Variants in NDST3 observed in about 807,000 individuals in gnomAD.
NDST3 encodes bifunctional heparan sulfate N-deacetylase/N-sulfotransferase 3.
NDST3 carries 58 observed loss-of-function variants against 96.1 expected under a neutral mutation model. The observed-to-expected ratio is 0.60, with a 90% CI of 0.49 to 0.75. The LOEUF (loss-of-function observed/expected upper bound fraction) is 0.75, where lower values mean the gene tolerates loss of function less well. Ranked by LOEUF, NDST3 falls within the 30% of genes least tolerant of loss-of-function variation. The pLI is 0.00. For missense variants in NDST3, 788 were observed against 1,034.2 expected (o/e 0.76, Z 3.27); for synonymous variants, 333 against 359.7 (o/e 0.93, Z 0.84).
chr4:118,195,899 G>A (rs1737652524), intron 6 of NDST3, among the ~76,000 whole-genome samples: 2 of 152,178 alleles, frequency 1.3e-5, no homozygotes. Flanking sequence ...TAACAGTGGT[G>A]AAAGTGGGCA....
chr4:118,072,599 A>T (rs1727175101), intron 2 of NDST3, among the ~76,000 whole-genome samples: 2 of 152,106 alleles, frequency 1.3e-5, no homozygotes, highest in Non-Finnish European at 2.9e-5. Context: ...ACTTTGCTGA[A>T]GTTGTTCATT....
chr4:118,186,707 A>C (rs1390680706), intron 6 of NDST3, among the ~76,000 whole-genome samples: 1 of 152,166 alleles, frequency 6.6e-6, no homozygotes, highest in East Asian at 1.9e-4. Flanking sequence ...AATACTTTGC[A>C]TCCTTCAATC....
At chr4:118,097,279 G>A (rs1231923023) in intron 2 of NDST3, among the ~76,000 whole-genome samples, 1 of 151,888 alleles carries the variant, frequency 6.6e-6, no homozygotes, top group African/African-American at 2.4e-5. Context: ...ATGTTGTCTA[G>A]AGTATTTCTT....
At chr4:118,160,354 A>G (rs574441488) in intron 6 of NDST3, among the ~76,000 whole-genome samples, 3 of 152,284 alleles carry the variant, frequency 2.0e-5, no homozygotes, top group African/African-American at 7.2e-5. Context: ...CACAACAACA[A>G]AACTGTCAAC....
At chr4:118,080,786 T>C (rs976863194) in intron 2 of NDST3, among the ~76,000 whole-genome samples, 2 of 152,164 alleles carry the variant, frequency 1.3e-5, no homozygotes, top group Non-Finnish European at 2.9e-5. Context: ...ATCTGTGTTT[T>C]CCATGGCACC....
intron 6 of NDST3, among the ~76,000 whole-genome samples, chr4:118,162,280 C>T (rs1312272141): frequency 6.6e-6 from 1 of 152,120 alleles, no homozygotes; most frequent in Non-Finnish European, 1.5e-5. Context: ...CAAAAAAGAG[C>T]CCTCATTGCC....
In NDST3 at chr4:118,255,456, CTAAA is replaced by C. The variant is rs1742055517; in HGVS notation, c.2503-130_2503-127del. On this transcript the variant is annotated intron_variant, in intron 13 of 13. Transcript: ENST00000296499. ...TGTCAGTAAAATATCATAGCATGTG[CTAAA>C]TAAATAGTCCATATGCTTAATACAA... The C allele has an allele frequency of 2.1e-5, 19 of 895,482 alleles. No individual in the cohort carries two copies. The East Asian group carries it at 2.7e-4, about 13-fold the overall frequency. 55.5% of individuals were successfully genotyped at this position (895,482 alleles called of 1,614,324 possible). A position where few individuals can be genotyped will look rare whatever the true frequency, so the allele number is the denominator to read the frequency against.
chr4:118,051,040 A>G (rs908725904), intron 1 of NDST3, among the ~76,000 whole-genome samples: 1 of 152,156 alleles, frequency 6.6e-6, no homozygotes, highest in Non-Finnish European at 1.5e-5. Flanking sequence ...CCAATGGAAC[A>G]CAATAGAAAA....
At chr4:118,053,674 C>A in intron 1 of NDST3, 82 bp from the exon 2 acceptor site, 1 of 412,748 alleles carries the variant, frequency 2.4e-6, no homozygotes, top group South Asian at 3.8e-5. Flanking sequence ...AGTACTCTGC[C>A]ACTTATGCTA....
At chr4:118,125,835 T>C (rs1395730080) in intron 4 of NDST3, among the ~76,000 whole-genome samples, 1 of 152,062 alleles carries the variant, frequency 6.6e-6, no homozygotes, top group Admixed American at 6.6e-5. Flanking sequence ...CACAGGAACA[T>C]AGTCTAACAT....
intron 10 of NDST3, among the ~76,000 whole-genome samples, chr4:118,237,464 CTAAAT>C (rs141130299): frequency 0.29 from 44,714 of 151,784 alleles, 8,067 homozygotes; most frequent in Middle Eastern, 0.43. Context: ...ATAAAAGAAA[CTAAAT>C]TAAAATATAA....
At chr4:118,147,240 T>C (rs929733508) in intron 6 of NDST3, among the ~76,000 whole-genome samples, 3 of 152,196 alleles carry the variant, frequency 2.0e-5, no homozygotes, top group Non-Finnish European at 4.4e-5. Flanking sequence ...GCAAGTGTAC[T>C]GAATCAGGTT....
intron 4 of NDST3, among the ~76,000 whole-genome samples, chr4:118,126,081 T>C (rs1032648876): frequency 6.6e-6 from 1 of 152,068 alleles, no homozygotes; most frequent in Non-Finnish European, 1.5e-5. Context: ...AGCTGAATTG[T>C]GGTGTAGCCC....
Position 118,207,187 on chromosome 4 carries a change from ACAC to A in NDST3, c.1540-17303_1540-17301del, listed in dbSNP as rs1738492716. 8.0e-5 allele frequency among the ~76,000 whole-genome samples: 9 copies of A among 112,746 alleles called. 1 individual carries two copies. Among genetic ancestry groups the A allele is most frequent in the African/African-American group, 2.0e-4 (7 of 35,204 alleles). The allele number at this position is 112,746 out of a possible 152,430, so 74.0% of individuals were successfully genotyped here. A position where few individuals can be genotyped will look rare whatever the true frequency, so the allele number is the denominator to read the frequency against. On this transcript the variant is annotated intron_variant, in intron 6 of 13. Coordinates refer to ENST00000296499, the MANE Select transcript of NDST3 (RefSeq NM_004784.3). Reference sequence around the variant, plus strand: ...CACACACACACACACACACACACACACACAAATTATATCTGTGGCTTCTTGTTG... The same window carrying A: ...CACACACACACACACACACACACACAAAATTATATCTGTGGCTTCTTGTTG...
rs191636384 is a variant in NDST3 at position 118,159,436 on chromosome 4, T to C, written c.1539+15752T>C. Among the ~76,000 whole-genome samples the C allele has an allele frequency of 2.6e-5, 4 of 152,288 alleles. No homozygotes were observed. The East Asian group carries it at 5.8e-4, about 22-fold the overall frequency. ...ACCTCAGAATCTCTTACTTGGCTGA[T>C]TGGTGAAGGTTTGTTCCTATACAAA... On this transcript the variant is annotated intron_variant, in intron 6 of 13. Transcript: ENST00000296499.
In NDST3 at chr4:118,072,870, T is replaced by C. The variant is rs530110074; in HGVS notation, c.981+17979T>C. Among the ~76,000 whole-genome samples the C allele has an allele frequency of 2.0e-5, 3 of 152,252 alleles. No homozygotes were observed. The South Asian group carries it at 6.2e-4, about 32-fold the overall frequency. On this transcript the variant is annotated intron_variant, in intron 2 of 13. Coordinates refer to ENST00000296499, the MANE Select transcript of NDST3 (RefSeq NM_004784.3). ...TATGATATTGGCTGTGGGTTTGTCA[T>C]AGATATCCCTTATTATTCTGAGGTA...
chr4:118,054,054 A>C lies in NDST3; in HGVS notation c.144A>C (p.Ser48=). Residue 48 remains serine, a synonymous_variant, in exon 2 of 14, where the codon TCA becomes TCC. Transcript: ENST00000296499. ...KQENELSETA[S]EVDCGDLQHL... Reference sequence around the variant, plus strand: ...AAAATGAACTCTCTGAGACGGCTTCAGAAGTTGACTGTGGCGACCTCCAAC... The same window carrying C: ...AAAATGAACTCTCTGAGACGGCTTCCGAAGTTGACTGTGGCGACCTCCAAC... 6.2e-7 allele frequency: 1 copy of C among 1,613,068 alleles called. No homozygotes were observed. The highest frequency in any genetic ancestry group is 2.2e-5 in the East Asian group (1 of 44,836).
intron 6 of NDST3, among the ~76,000 whole-genome samples, chr4:118,184,727 T>C (rs768024363): frequency 3.3e-5 from 5 of 152,046 alleles, no homozygotes; most frequent in Non-Finnish European, 5.9e-5. Flanking sequence ...ATATTAAGTA[T>C]ACATAATTTA....
intron 6 of NDST3, among the ~76,000 whole-genome samples, chr4:118,217,053 C>A (rs1739236335): frequency 1.3e-5 from 2 of 152,040 alleles, no homozygotes; most frequent in South Asian, 4.1e-4. Flanking sequence ...AAACTAGGGG[C>A]TCTAGGGCTT....
Sources: gnomAD v4.1 joint callset for allele counts (sites outside exome capture counted in the v4.1 genomes callset) on GRCh38, gnomAD v4.1.1 for gene constraint, MANE v1.5 for transcripts, NCBI Gene and HGNC (gene_info 2026-07-23, HGNC 2026-07-21) for gene names.